FAM193A: variants seen among roughly 807,000 people sequenced by gnomAD.
FAM193A encodes the protein protein FAM193A.
Under a neutral mutation model 126.5 loss-of-function variants are expected in FAM193A, and 22 were observed. That is an observed-to-expected ratio of 0.17 (90% CI 0.12 to 0.25). The LOEUF is 0.25. Ranked by LOEUF, FAM193A falls within the 10% of genes least tolerant of loss-of-function variation. FAM193A has a pLI of 1.00. For synonymous variants in FAM193A, 761 were observed against 646.8 expected (o/e 1.18, Z -2.68); for missense variants, 1,675 against 1,672.8 (o/e 1.00, Z -0.02).
chr4:2,581,901 C>T (rs1351698867), intron 1 of FAM193A, among the ~76,000 whole-genome samples: 2 of 149,334 alleles, frequency 1.3e-5, no homozygotes, highest in African/African-American at 4.9e-5. Flanking sequence ...GATCTGCCTG[C>T]CTCGGCCTCC....
In FAM193A at chr4:2,642,672, G is replaced by A. The variant is rs550072713; in HGVS notation, c.1163+2813G>A. 2.7e-4 allele frequency among the ~76,000 whole-genome samples: 41 copies of A among 151,434 alleles called. 1 individual carries two copies. In the South Asian group the frequency reaches 5.7e-3, roughly 21 times the overall value. On this transcript the variant is annotated intron_variant, in intron 6 of 20. Coordinates refer to ENST00000637812, the MANE Select transcript of FAM193A (RefSeq NM_001366318.2). ...TTTTACTGGTAAGCCAGTGAGTTCC[G>A]TCAGCCTGTCAGACTGTGGGTGGGT...
chr4:2,544,442 C>T (rs182285257), intron 1 of FAM193A, among the ~76,000 whole-genome samples: 22 of 152,006 alleles, frequency 1.4e-4, no homozygotes, highest in Admixed American at 1.4e-3. Flanking sequence ...GTGGCTCACA[C>T]CTGTAATCCC....
rs867846466 is a variant in FAM193A at position 2,549,465 on chromosome 4, C to T, written c.255+12295C>T. Among the ~76,000 whole-genome samples the T allele has an allele frequency of 7.1e-3, 942 of 132,310 alleles. 10 individuals carry two copies. The highest frequency in any genetic ancestry group is 0.012 in the Non-Finnish European group (733 of 63,434). The allele number at this position is 132,310 out of a possible 152,430, so 86.8% of individuals were successfully genotyped here. Reference sequence around the variant, plus strand: ...AGGCTGGAGTGCAGTGGCGGGATCTCGGCTCACTGCAAGCTCCGCCTCCCG... The same window carrying T: ...AGGCTGGAGTGCAGTGGCGGGATCTTGGCTCACTGCAAGCTCCGCCTCCCG... On this transcript the variant is annotated intron_variant, in intron 1 of 20. Transcript: ENST00000637812.
intron 4 of FAM193A, among the ~76,000 whole-genome samples, chr4:2,628,782 C>T (rs1050644115): frequency 6.6e-6 from 1 of 152,068 alleles, no homozygotes; most frequent in Non-Finnish European, 1.5e-5. Flanking sequence ...TTGATGTGCC[C>T]GCATCTGTTG....
At chr4:2,539,956 A>G (rs1216748392) in intron 1 of FAM193A, among the ~76,000 whole-genome samples, 1 of 151,804 alleles carries the variant, frequency 6.6e-6, no homozygotes, top group Non-Finnish European at 1.5e-5. Context: ...CGTCTCTACT[A>G]AAAATACAAA....
chr4:2,536,187 C>G (rs1311443366), upstream of FAM193A, among the ~76,000 whole-genome samples: 1 of 150,938 alleles, frequency 6.6e-6, no homozygotes, highest in Non-Finnish European at 1.5e-5. Context: ...GGGCGGGCAG[C>G]GGACACCGGT....
intron 2 of FAM193A, among the ~76,000 whole-genome samples, chr4:2,619,753 TA>T (rs1467356717): frequency 6.6e-6 from 1 of 152,182 alleles, no homozygotes; most frequent in Non-Finnish European, 1.5e-5. Context: ...TGGCACGATC[TA>T]GTCTCACTGC....
chr4:2,546,708 TATAA>T (rs1180371397), intron 1 of FAM193A, among the ~76,000 whole-genome samples: 1 of 152,190 alleles, frequency 6.6e-6, no homozygotes, highest in Non-Finnish European at 1.5e-5. Flanking sequence ...TTTTGGTGAT[TATAA>T]ATAGAGTTGC....
Position 2,566,978 on chromosome 4 carries a change from C to T in FAM193A, c.256-29106C>T, listed in dbSNP as rs556391015. Among the ~76,000 whole-genome samples the T allele has an allele frequency of 8.9e-5, 13 of 146,148 alleles. No homozygotes were observed. In the South Asian group the frequency reaches 2.1e-3, roughly 24 times the overall value. On this transcript the variant is annotated intron_variant, in intron 1 of 20. Coordinates refer to ENST00000637812, the MANE Select transcript of FAM193A (RefSeq NM_001366318.2). Reference sequence around the variant, plus strand: ...TTTTTGAGACGGAGTCTCGCTCTGTCGCCCAGGCTGGAATGCAGTGGCACA... The same window carrying T: ...TTTTTGAGACGGAGTCTCGCTCTGTTGCCCAGGCTGGAATGCAGTGGCACA...
intron 1 of FAM193A, among the ~76,000 whole-genome samples, chr4:2,583,906 G>T (rs538465858): frequency 8.0e-4 from 122 of 152,206 alleles, no homozygotes; most frequent in African/African-American, 2.8e-3. Context: ...GCTGTCCCAG[G>T]TCTCTTCATC....
chr4:2,706,991 G>A (rs555103813), intron 19 of FAM193A, among the ~76,000 whole-genome samples: 7 of 151,886 alleles, frequency 4.6e-5, no homozygotes, highest in Non-Finnish European at 7.4e-5. Flanking sequence ...GTGTGGTGGC[G>A]AGCGCCTGTG....
At chr4:2,659,087 T>C (rs945000915) in intron 8 of FAM193A, among the ~76,000 whole-genome samples, 3 of 152,234 alleles carry the variant, frequency 2.0e-5, no homozygotes, top group African/African-American at 7.2e-5. Flanking sequence ...AGCTGCCACC[T>C]GTCCCATTGC....
At chr4:2,584,534 T>TA (rs1474810270) in intron 1 of FAM193A, among the ~76,000 whole-genome samples, 1 of 152,010 alleles carries the variant, frequency 6.6e-6, no homozygotes, top group Non-Finnish European at 1.5e-5. Flanking sequence ...ACCCCTGGTA[T>TA]AAGCACCATT....
intron 7 of FAM193A, among the ~76,000 whole-genome samples, chr4:2,647,914 C>A (rs987656315): frequency 2.6e-5 from 4 of 152,132 alleles, no homozygotes; most frequent in African/African-American, 9.7e-5. Context: ...CATGTGGATG[C>A]CACCTGTGGC....
At chr4:2,636,034 A>G (rs1014400812) in intron 5 of FAM193A, among the ~76,000 whole-genome samples, 1 of 150,896 alleles carries the variant, frequency 6.6e-6, no homozygotes, top group African/African-American at 2.5e-5. Context: ...CTTAGTTGGA[A>G]AAAGGAATAA....
intron 20 of FAM193A, among the ~76,000 whole-genome samples, chr4:2,728,983 T>C (rs34108851): frequency 0.53 from 78,265 of 146,820 alleles, 21,346 homozygotes; most frequent in Admixed American, 0.64. Context: ...GCATTCTCAG[T>C]TTGTTACAGT....
chr4:2,695,193 A>G, intron 17 of FAM193A, 64 bp downstream of exon 17: 2 of 1,408,838 alleles, frequency 1.4e-6, no homozygotes, highest in South Asian at 1.5e-5. Flanking sequence ...TCCTTTGCAG[A>G]AATTCTGTAC....
intron 3 of FAM193A, 54 bp from the exon 4 acceptor site, chr4:2,626,356 G>C: frequency 1.5e-6 from 1 of 679,714 alleles, no homozygotes. Context: ...TGTGCTAGGT[G>C]AGGAAGGGCA....
rs187604118 is a variant in FAM193A, at chr4:2,580,267, T to G, written c.256-15817T>G. On this transcript the variant is annotated intron_variant, in intron 1 of 20. Transcript: ENST00000637812. The stretch of plus-strand genomic sequence containing the variant: ...AAAACCAGATACCGCATATTCTCGC[T>G]TATAGCCGATGAGAACACATGGACA... Among the ~76,000 whole-genome samples, 4 of 152,220 alleles carry G rather than the reference T, an allele frequency of 2.6e-5. No individual in the cohort carries two copies. The East Asian group carries it at 7.7e-4, about 29-fold the overall frequency.
Sources: gnomAD v4.1 joint callset for allele counts (sites outside exome capture counted in the v4.1 genomes callset) on GRCh38, gnomAD v4.1.1 for gene constraint, MANE v1.5 for transcripts, NCBI Gene and HGNC (gene_info 2026-07-23, HGNC 2026-07-21) for gene names.